Variants in ME2 observed in about 807,000 individuals in gnomAD.
ME2 encodes the protein malic enzyme 2, also known as NAD-dependent malic enzyme, mitochondrial.
Under a neutral mutation model 73.7 loss-of-function variants are expected in ME2, and 60 were observed. The ratio of observed to expected loss-of-function variants is 0.81; its 90% CI spans 0.66 to 1.01. The LOEUF is 1.01. Ranked by LOEUF, ME2 falls within the 50% of genes least tolerant of loss-of-function variation. The probability of loss-of-function intolerance (pLI) is 0.00; values close to 1 mark genes in which losing one functional copy is unlikely to be tolerated. For synonymous variants in ME2, 199 were observed against 236.9 expected (o/e 0.84, Z 1.47); for missense variants, 594 against 705.5 (o/e 0.84, Z 1.79).
At chr18:50,896,858 G>A (rs1383121316) in intron 2 of ME2, among the ~76,000 whole-genome samples, 4 of 152,136 alleles carry the variant, frequency 2.6e-5, no homozygotes, top group African/African-American at 9.7e-5. Flanking sequence ...CCTCACCTTT[G>A]TATTCTTGGT....
chr18:50,879,120 C>T lies in ME2; in HGVS notation c.-201C>T, dbSNP rs975959365. ...GCCGGCTCCTCGCGCCCTCCCCTCTCTCGGCCGCTCTTCGGGCCGCCTCTG... is the reference window on the plus strand; with the variant it reads ...GCCGGCTCCTCGCGCCCTCCCCTCTTTCGGCCGCTCTTCGGGCCGCCTCTG... On this transcript the variant is annotated 5_prime_UTR_variant, in exon 1 of 16. Transcript: ENST00000321341. The T allele has an allele frequency of 2.8e-4, 43 of 152,406 alleles. No homozygotes were observed. The highest frequency in any genetic ancestry group is 9.6e-4 in the African/African-American group (40 of 41,590). 9.4% of individuals were successfully genotyped at this position (152,406 alleles called of 1,614,324 possible). A position where few individuals can be genotyped will look rare whatever the true frequency, so the allele number is the denominator to read the frequency against.
Position 50,939,594 on chromosome 18 carries a change from G to A in ME2, c.1442G>A (p.Cys481Tyr), listed in dbSNP as rs978865587. The A allele has an allele frequency of 6.2e-7, 1 of 1,612,352 alleles. No individual in the cohort carries two copies. The highest frequency in any genetic ancestry group is 8.5e-7 in the Non-Finnish European group (1 of 1,178,608). Residue 481 changes from cysteine to tyrosine, a missense_variant, in exon 14 of 16, where the codon TGT (cysteine) becomes TAT (tyrosine). Transcript: ENST00000321341. ...FPGVALAVIL[C>Y]NTRHISDSVF... ...GGTGTGGCTTTAGCTGTTATTCTCT[G>A]TAACACCCGGCATATTAGTGACAGT...
chr18:50,923,677 G>A (rs1379801167), intron 10 of ME2, among the ~76,000 whole-genome samples: 2 of 152,128 alleles, frequency 1.3e-5, no homozygotes, highest in East Asian at 1.9e-4. Context: ...ACCTGAGCCC[G>A]GGGAGGTAGA....
At chr18:50,905,939 T>G (rs1053911412) in intron 2 of ME2, among the ~76,000 whole-genome samples, 3 of 152,126 alleles carry the variant, frequency 2.0e-5, no homozygotes, top group African/African-American at 7.2e-5. Flanking sequence ...ATGTTAAGAG[T>G]GCCCTGGCCA....
At chr18:50,941,533 C>T (rs1237040722) in intron 15 of ME2, among the ~76,000 whole-genome samples, 3 of 150,742 alleles carry the variant, frequency 2.0e-5, no homozygotes, top group Non-Finnish European at 4.4e-5. Context: ...ACCACCATGC[C>T]CAGCTAATTT....
intron 10 of ME2, 140 bp from the exon 11 acceptor site, chr18:50,923,958 T>G: frequency 3.5e-6 from 2 of 566,634 alleles, no homozygotes; most frequent in East Asian, 5.8e-5. Flanking sequence ...AGTTGGAAGG[T>G]ATGGGTTGAA....
intron 2 of ME2, among the ~76,000 whole-genome samples, chr18:50,900,146 C>T (rs570390632): frequency 1.3e-5 from 2 of 151,300 alleles, no homozygotes; most frequent in South Asian, 2.1e-4. Context: ...TCTGTATTTA[C>T]AGCCACTCCT....
chr18:50,914,188 G>A (rs1357825457), intron 4 of ME2, among the ~76,000 whole-genome samples: 1 of 152,198 alleles, frequency 6.6e-6, no homozygotes, highest in African/African-American at 2.4e-5. Context: ...CAGTGATTGT[G>A]TTGCAGGTGT....
intron 2 of ME2, among the ~76,000 whole-genome samples, chr18:50,901,842 G>A (rs1234620818): frequency 1.3e-5 from 2 of 152,084 alleles, no homozygotes; most frequent in African/African-American, 4.8e-5. Context: ...GAGTCCTTCT[G>A]AAATTTTTTT....
Position 50,917,411 on chromosome 18 carries a change from G to C in ME2, c.533G>C (p.Gly178Ala). Reference sequence around the variant, plus strand: ...GGAGATCTGGGTGTCTATGGAATGGGAATTCCAGTAGGAAAACTTTGTTTG... The same window carrying C: ...GGAGATCTGGGTGTCTATGGAATGGCAATTCCAGTAGGAAAACTTTGTTTG... ...GLGDLGVYGMGIPVGKLCLYT... is the reference protein window; with the variant it reads ...GLGDLGVYGMAIPVGKLCLYT... Residue 178 changes from glycine (G) to alanine (A), a missense_variant, in exon 6 of 16, where the codon GGA (glycine) becomes GCA (alanine). Physicochemically the swap from Gly to Ala is moderately conservative, Grantham distance 60. Transcript: ENST00000321341. 1 of 1,612,576 alleles carries C rather than the reference G, an allele frequency of 6.2e-7. No homozygotes were observed. The highest frequency in any genetic ancestry group is 1.7e-4 in the Middle Eastern group (1 of 6,056).
intron 13 of ME2, 36 bp downstream of exon 13, chr18:50,932,396 G>A (rs1457839372): frequency 1.9e-5 from 28 of 1,487,312 alleles, no homozygotes; most frequent in Non-Finnish European, 2.6e-5. Context: ...TAGAGCAATA[G>A]TTAATTATGT....
Position 50,952,039 on chromosome 18 carries a change from C to T in ME2, c.*4855C>T, listed in dbSNP as rs1918239105. ...GGGAAGTCCTAAGAATGAAATGGCA[C>T]CAGCATCCTGTTTCCATCCAAGACA... is the stretch of plus-strand genomic sequence containing the variant. On this transcript the variant is annotated 3_prime_UTR_variant, in exon 16 of 16. Coordinates refer to ENST00000321341, the MANE Select transcript of ME2 (RefSeq NM_002396.5). 6.6e-6 allele frequency: 1 copy of T among 152,162 alleles called. No homozygotes were observed. The highest frequency in any genetic ancestry group is 1.5e-5 in the Non-Finnish European group (1 of 68,042). The allele number at this position is 152,162 out of a possible 1,614,324, so 9.4% of individuals were successfully genotyped here.
intron 7 of ME2, among the ~76,000 whole-genome samples, chr18:50,918,939 C>T (rs1917355366): frequency 6.6e-6 from 1 of 152,174 alleles, no homozygotes; most frequent in Non-Finnish European, 1.5e-5. Flanking sequence ...ACACTGAACT[C>T]CTTTCCTTTC....
chr18:50,924,029 T>C, intron 10 of ME2, 69 bp from the exon 11 acceptor site: 1 of 944,906 alleles, frequency 1.1e-6, no homozygotes, highest in South Asian at 1.5e-5. Flanking sequence ...TAACTCATAA[T>C]GATGTCTTTT....
Position 50,947,444 on chromosome 18 carries a change from A to G in ME2, c.*260A>G. ...CCCGTACCACATCCAGGAGATGTAA[A>G]AAGTGTGTTTGTGAATGTCTTCACT... On this transcript the variant is annotated 3_prime_UTR_variant, in exon 16 of 16. Transcript: ENST00000321341. 5.1e-6 allele frequency: 2 copies of G among 388,682 alleles called. No homozygotes were observed. Among genetic ancestry groups the G allele is most frequent in the South Asian group, 9.9e-5 (2 of 20,266 alleles). The allele number at this position is 388,682 out of a possible 1,614,324, so 24.1% of individuals were successfully genotyped here.
At chr18:50,893,909 CAAAG>C (rs760833137) in intron 1 of ME2, among the ~76,000 whole-genome samples, 3 of 152,194 alleles carry the variant, frequency 2.0e-5, no homozygotes, top group African/African-American at 4.8e-5. Context: ...ACTTTTTTGA[CAAAG>C]AACAGGAAAC....
chr18:50,932,125 A>T (rs1320294489), intron 12 of ME2, 133 bp from the exon 13 acceptor site: 2 of 615,948 alleles, frequency 3.2e-6, no homozygotes, highest in Non-Finnish European at 5.7e-6. Context: ...AGATTGTTAT[A>T]TAGTATATTA....
intron 3 of ME2, among the ~76,000 whole-genome samples, chr18:50,912,391 C>G (rs1917177853): frequency 6.6e-6 from 1 of 152,078 alleles, no homozygotes; most frequent in Non-Finnish European, 1.5e-5. Context: ...AGAATAGTGC[C>G]AGGCATATAG....
In ME2 at chr18:50,947,952, A is replaced by G. The variant is rs1341008013; in HGVS notation, c.*768A>G. On this transcript the variant is annotated 3_prime_UTR_variant, in exon 16 of 16. Transcript: ENST00000321341. ...ATTTAGATTTGCTTATGAAAAACAC[A>G]TATTTTTGTTACTTCTAGATGATTC... 1 of 152,204 alleles carries G rather than the reference A, an allele frequency of 6.6e-6. No homozygotes were observed. The highest frequency in any genetic ancestry group is 1.5e-5 in the Non-Finnish European group (1 of 68,026). 9.4% of individuals were successfully genotyped at this position (152,204 alleles called of 1,614,324 possible). A position where few individuals can be genotyped will look rare whatever the true frequency, so the allele number is the denominator to read the frequency against.
Sources: allele counts gnomAD v4.1 joint callset (sites outside exome capture counted in the v4.1 genomes callset), GRCh38; gene constraint gnomAD v4.1.1; transcripts MANE v1.5; gene names NCBI Gene and HGNC (gene_info 2026-07-23, HGNC 2026-07-21).